INSL6: variants seen among roughly 807,000 people sequenced by gnomAD.
The protein encoded by INSL6 is insulin-like peptide INSL6.
Under a neutral mutation model 9.4 loss-of-function variants are expected in INSL6, and 16 were observed. That is an observed-to-expected ratio of 1.70 (90% confidence interval 1.15 to 2.59). INSL6 has a LOEUF of 2.59. INSL6 is among the 30% of genes most tolerant of loss of function. The pLI is 0.00. For missense variants in INSL6, 391 were observed against 257.3 expected (o/e 1.52, Z -3.56); for synonymous variants, 154 against 96.9 (o/e 1.59, Z -3.46).
At chr9:5,064,926 C>T in the INSL6 span, 1 of 1,598,042 alleles carries the variant, frequency 6.3e-7, no homozygotes, top group Non-Finnish European at 8.5e-7. Flanking sequence ...TCTTTCGTGT[C>T]ATTAATTGAT....
the INSL6 span, among the ~76,000 whole-genome samples, chr9:5,092,767 A>C: frequency 1.5e-3 from 222 of 152,320 alleles, 2 homozygotes; most frequent in African/African-American, 4.8e-3. Flanking sequence ...GGGAAGATTC[A>C]TGAGTAGTGG....
At chr9:5,052,232 T>C in the INSL6 span, among the ~76,000 whole-genome samples, 8 of 152,122 alleles carry the variant, frequency 5.3e-5, no homozygotes, top group African/African-American at 1.4e-4. Flanking sequence ...TGGCACAATC[T>C]TTCTATGTAG....
At chr9:5,085,284 T>C in the INSL6 span, 2 of 707,672 alleles carry the variant, frequency 2.8e-6, no homozygotes, top group Admixed American at 1.8e-5. Flanking sequence ...TTGGTTTGCC[T>C]ATGTTAGAAC....
At chr9:5,073,529 T>C in the INSL6 span, among the ~76,000 whole-genome samples, 121 of 152,316 alleles carry the variant, frequency 7.9e-4, no homozygotes, top group African/African-American at 2.8e-3. Context: ...CCTCAGAACG[T>C]TGATGGCAGT....
chr9:5,105,287 C>A, the INSL6 span, among the ~76,000 whole-genome samples: 18 of 152,174 alleles, frequency 1.2e-4, no homozygotes, highest in African/African-American at 4.1e-4. Context: ...ACAGCCAAAT[C>A]ATGAGTGAAC....
At chr9:5,058,593 T>C in the INSL6 span, among the ~76,000 whole-genome samples, 2 of 152,208 alleles carry the variant, frequency 1.3e-5, no homozygotes, top group African/African-American at 4.8e-5. Flanking sequence ...CTGGATCATA[T>C]GGTAATTCTA....
the INSL6 span, chr9:5,111,908 C>T: frequency 8.5e-6 from 3 of 353,316 alleles, no homozygotes; most frequent in African/African-American, 4.4e-5. Flanking sequence ...CTCGGGAAGG[C>T]CTGGCCTCAA....
the INSL6 span, chr9:5,113,921 C>T: frequency 1.6e-3 from 390 of 239,254 alleles, 3 homozygotes; most frequent in Non-Finnish European, 2.1e-3. Context: ...GGACACTTAC[C>T]CCCGACCATC....
chr9:5,064,549 G>T, the INSL6 span, among the ~76,000 whole-genome samples: 1 of 151,262 alleles, frequency 6.6e-6, no homozygotes, highest in African/African-American at 2.4e-5. Context: ...AAGAAAAAAG[G>T]AAATGCTCAT....
chr9:5,152,376 T>A (rs886445058), intron 2 of INSL6, among the ~76,000 whole-genome samples: 1 of 152,134 alleles, frequency 6.6e-6, no homozygotes, highest in African/African-American at 2.4e-5. Flanking sequence ...CAACAACATA[T>A]TAAATTAGAA....
intron 2 of INSL6, among the ~76,000 whole-genome samples, chr9:5,137,694 T>TA (rs1302812521): frequency 2.6e-5 from 4 of 152,098 alleles, no homozygotes; most frequent in Non-Finnish European, 5.9e-5. Flanking sequence ...ACTTCATGAC[T>TA]AAAACACCAA....
the INSL6 span, among the ~76,000 whole-genome samples, chr9:5,007,648 C>T: frequency 6.6e-6 from 1 of 151,778 alleles, no homozygotes; most frequent in South Asian, 2.1e-4. Flanking sequence ...GCGTTTTTTA[C>T]TCATACTTTA....
chr9:5,006,350 G>A, the INSL6 span, among the ~76,000 whole-genome samples: 5 of 152,134 alleles, frequency 3.3e-5, no homozygotes, highest in African/African-American at 1.2e-4. Flanking sequence ...TGTATGCTGA[G>A]ACTTTGCTGA....
At chr9:5,028,690 C>A in the INSL6 span, among the ~76,000 whole-genome samples, 1 of 152,212 alleles carries the variant, frequency 6.6e-6, no homozygotes, top group Non-Finnish European at 1.5e-5. Flanking sequence ...TCTCCATCAA[C>A]ACTTGCTGCT....
At chr9:5,079,169 A>C in the INSL6 span, among the ~76,000 whole-genome samples, 1 of 152,216 alleles carries the variant, frequency 6.6e-6, no homozygotes, top group Non-Finnish European at 1.5e-5. Context: ...AGTATGGCAG[A>C]AAATTCTTAC....
Position 5,185,561 on chromosome 9 carries a change from G to T in INSL6, c.42C>A (p.Leu14=). Residue 14 remains leucine (L), a synonymous_variant, in exon 1 of 2, where the codon CTC becomes CTA. Coordinates refer to ENST00000381641, the MANE Select transcript of INSL6 (RefSeq NM_007179.3). ...LLRLSLLWLG[L]LLVRFSRELS... is the part of the protein sequence containing the mutation. The stretch of plus-strand genomic sequence containing the variant: ...GTTCACGAGAAAACCGAACCAGCAG[G>T]AGTCCAAGCCACAGCAGGGACAAGC... 6.2e-7 allele frequency: 1 copy of T among 1,613,826 alleles called. No individual in the cohort carries two copies. The highest frequency in any genetic ancestry group is 1.1e-5 in the South Asian group (1 of 91,050).
chr9:5,004,899 T>C, the INSL6 span, among the ~76,000 whole-genome samples: 1 of 151,278 alleles, frequency 6.6e-6, no homozygotes. Context: ...CATGAACATG[T>C]TGGCCATTTA....
chr9:5,145,759 T>C (rs565492877), intron 2 of INSL6, among the ~76,000 whole-genome samples: 3 of 152,292 alleles, frequency 2.0e-5, no homozygotes, highest in South Asian at 2.1e-4. Flanking sequence ...ATACTTGGGA[T>C]TGCATTATGA....
the INSL6 span, among the ~76,000 whole-genome samples, chr9:5,050,295 T>G: frequency 6.6e-6 from 1 of 152,230 alleles, no homozygotes; most frequent in Non-Finnish European, 1.5e-5. Context: ...TGCCATTTAT[T>G]TATTTATTAA....
Sources: allele counts gnomAD v4.1 joint callset (sites outside exome capture counted in the v4.1 genomes callset), GRCh38; gene constraint gnomAD v4.1.1; transcripts MANE v1.5; gene names NCBI Gene and HGNC (gene_info 2026-07-23, HGNC 2026-07-21).